Variants in COBL observed in about 807,000 individuals in gnomAD.
The protein encoded by COBL is protein cordon-bleu.
A neutral mutation model predicts 98.8 loss-of-function variants in COBL; 51 were observed. The ratio of observed to expected loss-of-function variants is 0.52; its 90% CI spans 0.41 to 0.65. The LOEUF (loss-of-function observed/expected upper bound fraction) is 0.65. Ranked by LOEUF, COBL falls within the 30% of genes least tolerant of loss-of-function variation. The probability of loss-of-function intolerance (pLI) is 0.00; values close to 1 mark genes in which losing one functional copy is unlikely to be tolerated. For synonymous variants in COBL, 634 were observed against 651.7 expected (o/e 0.97, Z 0.41); for missense variants, 1,617 against 1,617.5 (o/e 1.00, Z 0.01).
intron 1 of COBL, among the ~76,000 whole-genome samples, chr7:51,223,770 G>A (rs1793893554): frequency 6.6e-6 from 1 of 152,210 alleles, no homozygotes; most frequent in Non-Finnish European, 1.5e-5. Flanking sequence ...TGGCTGCACT[G>A]TGGCTGGAAG....
At position 51,028,192 on chromosome 7, in the gene COBL, A is replaced by G. The variant is rs1588259168; in HGVS notation, c.2904T>C (p.Ala968=). ...HRKLSTQDRP[A]AIHRSSCFSL... is the part of the protein sequence containing the mutation. ...AGAAACAGGAGCTTCTGTGGATAGC[A>G]GCAGGTCTGTCCTGAGTAGACAACT... The change falls in exon 10 of 13, where the codon GCT becomes GCC. Residue 968 remains alanine, a synonymous_variant. Transcript: ENST00000265136. 6.2e-7 allele frequency: 1 copy of G among 1,614,268 alleles called. No homozygotes were observed. The highest frequency in any genetic ancestry group is 8.5e-7 in the Non-Finnish European group (1 of 1,180,050).
At chr7:51,164,239 A>C (rs1448057904) in intron 5 of COBL, among the ~76,000 whole-genome samples, 1 of 152,184 alleles carries the variant, frequency 6.6e-6, no homozygotes, top group East Asian at 1.9e-4. Context: ...AGAACATCTT[A>C]AACCTAGAGA....
Position 51,208,674 on chromosome 7 carries a change from G to A in COBL, c.245+11067C>T, listed in dbSNP as rs578195817. On this transcript the variant is annotated intron_variant, in intron 2 of 12. Coordinates refer to ENST00000265136, the MANE Select transcript of COBL (RefSeq NM_015198.5). ...ATCGGATGGTTGCCGTGTCTGTGTAGAAAGAAGTAGACATGGGAGACTTTT... is the reference window on the plus strand; with the variant it reads ...ATCGGATGGTTGCCGTGTCTGTGTAAAAAGAAGTAGACATGGGAGACTTTT... Among the ~76,000 whole-genome samples, 599 of 152,350 alleles carry A rather than the reference G, an allele frequency of 3.9e-3. 3 individuals carry two copies. The highest frequency in any genetic ancestry group is 0.013 in the African/African-American group (561 of 41,586).
intron 1 of COBL, among the ~76,000 whole-genome samples, chr7:51,292,146 C>CA (rs796266265): frequency 0.021 from 1,801 of 84,794 alleles, 16 homozygotes; most frequent in African/African-American, 0.052. Context: ...GACTTTGACT[C>CA]AAAAAAAAAA....
At chr7:51,102,848 T>G (rs1163036746) in intron 6 of COBL, among the ~76,000 whole-genome samples, 1 of 152,202 alleles carries the variant, frequency 6.6e-6, no homozygotes, top group Admixed American at 6.5e-5. Context: ...GGATTTCTTC[T>G]AATATAGTCA....
chr7:51,064,844 C>T (rs1791735652), intron 7 of COBL: 3 of 335,652 alleles, frequency 8.9e-6, no homozygotes, highest in Non-Finnish European at 1.6e-5. Context: ...TTGAGCAAAA[C>T]AAGCCTAAGT....
intron 8 of COBL, chr7:51,032,113 G>A (rs1468111714): frequency 2.0e-5 from 3 of 152,278 alleles, no homozygotes; most frequent in Non-Finnish European, 2.9e-5. Flanking sequence ...AGAGACTACA[G>A]AGCTGCCCAG....
At chr7:51,043,858 T>C (rs890070557) in intron 7 of COBL, among the ~76,000 whole-genome samples, 166 bp from the exon 8 acceptor site, 4 of 152,212 alleles carry the variant, frequency 2.6e-5, no homozygotes, top group Non-Finnish European at 5.9e-5. Flanking sequence ...CCTGAAACAT[T>C]TTAACTCACA....
intron 1 of COBL, among the ~76,000 whole-genome samples, chr7:51,288,400 C>T (rs1306145803): frequency 1.3e-4 from 19 of 145,362 alleles, no homozygotes; most frequent in Admixed American, 1.2e-3. Flanking sequence ...CGCCACTGCA[C>T]TCCAGCCTGG....
chr7:51,025,234 G>A lies in COBL; in HGVS notation c.3643C>T (p.Gln1215Ter), dbSNP rs772166686. ...GCCGTCCTTGGTGCAGAGAGAGCCTGGGAGGGTGGAGGGGGTGGTGGGGGA... is the reference window on the plus strand; with the variant it reads ...GCCGTCCTTGGTGCAGAGAGAGCCTAGGAGGGTGGAGGGGGTGGTGGGGGA... ...AIPPPPPPPS[Q>*]ALSAPRTASR... The change falls in exon 12 of 13, where the codon CAG becomes TAG. Residue 1215 changes from glutamine (Q) to a stop codon, truncating the protein, a stop_gained. Coordinates refer to ENST00000265136, the MANE Select transcript of COBL (RefSeq NM_015198.5). LOFTEE classifies it high-confidence loss of function. The A allele has an allele frequency of 1.2e-6, 2 of 1,610,534 alleles. No homozygotes were observed. The highest frequency in any genetic ancestry group is 1.1e-5 in the South Asian group (1 of 90,868).
chr7:51,184,396 G>C lies in COBL; in HGVS notation c.686-197C>G, dbSNP rs572172260. ...AGGTCCATTTGGGAAATCACTACAGGTTCTTACACAGTCTTTTAGGAATGA... is the reference window on the plus strand; with the variant it reads ...AGGTCCATTTGGGAAATCACTACAGCTTCTTACACAGTCTTTTAGGAATGA... On this transcript the variant is annotated intron_variant, in intron 4 of 12. Coordinates refer to ENST00000265136, the MANE Select transcript of COBL (RefSeq NM_015198.5). Among the ~76,000 whole-genome samples the C allele has an allele frequency of 2.6e-5, 4 of 152,298 alleles. No individual in the cohort carries two copies. The South Asian group carries it at 8.3e-4, about 32-fold the overall frequency.
intron 6 of COBL, among the ~76,000 whole-genome samples, chr7:51,106,704 C>G (rs4948191): frequency 0.4 from 61,253 of 151,986 alleles, 12,506 homozygotes; most frequent in East Asian, 0.56. Flanking sequence ...CCCTGCAGTT[C>G]TTGATGTTCC....
intron 5 of COBL, among the ~76,000 whole-genome samples, chr7:51,148,939 T>C (rs1286238146): frequency 6.6e-6 from 1 of 151,766 alleles, no homozygotes; most frequent in Non-Finnish European, 1.5e-5. Context: ...CACAAAAAAA[T>C]CTCTTATCTT....
At chr7:51,051,497 TC>T (rs1025208871) in intron 7 of COBL, among the ~76,000 whole-genome samples, 2 of 152,254 alleles carry the variant, frequency 1.3e-5, no homozygotes, top group Non-Finnish European at 2.9e-5. Context: ...CTGTTCTATT[TC>T]CTAACTTAAC....
intron 5 of COBL, among the ~76,000 whole-genome samples, chr7:51,183,899 A>T (rs1222061240): frequency 6.6e-6 from 1 of 152,092 alleles, no homozygotes; most frequent in African/African-American, 2.4e-5. Context: ...AACCACCATC[A>T]CCCAAGATTA....
chr7:51,190,552 G>C (rs1790006643), intron 4 of COBL, among the ~76,000 whole-genome samples: 2 of 152,148 alleles, frequency 1.3e-5, no homozygotes, highest in South Asian at 4.1e-4. Context: ...TTACTTCAGA[G>C]CATAAGCTCT....
intron 6 of COBL, 63 bp from the exon 7 acceptor site, chr7:51,085,367 G>C (rs1684670617): frequency 7.1e-7 from 1 of 1,410,388 alleles, no homozygotes. Flanking sequence ...TACAAAGAAG[G>C]CAGTATTAGG....
In COBL at chr7:51,255,896, G is replaced by C. The variant is rs527754616; in HGVS notation, c.42-35952C>G. 2.6e-5 allele frequency among the ~76,000 whole-genome samples: 4 copies of C among 152,310 alleles called. No individual in the cohort carries two copies. In the East Asian group the frequency reaches 7.7e-4, roughly 29 times the overall value. On this transcript the variant is annotated intron_variant, in intron 1 of 12. Transcript: ENST00000265136. Reference sequence around the variant, plus strand: ...AGCCCAGCCCCTGCTTTGTCCCTTAGATTGTGCAGAGTTTGAGAAGCCCAG... The same window carrying C: ...AGCCCAGCCCCTGCTTTGTCCCTTACATTGTGCAGAGTTTGAGAAGCCCAG...
chr7:51,219,594 G>T, intron 2 of COBL, 147 bp downstream of exon 2: 1 of 798,402 alleles, frequency 1.3e-6, no homozygotes, highest in Non-Finnish European at 2.0e-6. Flanking sequence ...GCTCTAAGTA[G>T]TCACTAAGCC....
Sources: allele counts gnomAD v4.1 joint callset (sites outside exome capture counted in the v4.1 genomes callset), GRCh38; gene constraint gnomAD v4.1.1; transcripts MANE v1.5; gene names NCBI Gene and HGNC (gene_info 2026-07-23, HGNC 2026-07-21).